HERC1: variants seen among roughly 807,000 people sequenced by gnomAD.
HERC1 encodes HECT and RLD domain containing E3 ubiquitin protein ligase family member 1, also known as probable E3 ubiquitin-protein ligase HERC1.
A neutral mutation model predicts 554.3 loss-of-function variants in HERC1; 160 were observed. The observed-to-expected ratio is 0.29, with a 90% CI of 0.25 to 0.33. HERC1 has a LOEUF of 0.33. Among genes scored for constraint, HERC1 ranks in the 10% least tolerant of loss-of-function variants. HERC1 has a pLI of 1.00. For synonymous variants in HERC1, 2,175 were observed against 2,131.7 expected, an observed-to-expected ratio of 1.02 and a Z score of -0.56; for missense variants, 4,919 against 5,918.5, an observed-to-expected ratio of 0.83 and a Z score of 5.54.
rs2073991732 is a variant in HERC1 at position 63,725,219 on chromosome 15, A to C, written c.3568+73T>G. On this transcript the variant is annotated intron_variant, in intron 18 of 77. Transcript: ENST00000443617. ...GTGCCTGTCAGTTCTCTATTTAGCA[A>C]ATCAGAATAGAGAAATCTCCAACTG... 5.3e-6 allele frequency: 7 copies of C among 1,322,148 alleles called. No homozygotes were observed. The South Asian group carries it at 9.3e-5, about 18-fold the overall frequency. The allele number at this position is 1,322,148 out of a possible 1,614,324, so 81.9% of individuals were successfully genotyped here.
intron 64 of HERC1, 50 bp downstream of exon 64, chr15:63,637,455 C>T (rs1441747121): frequency 6.0e-6 from 9 of 1,503,318 alleles, no homozygotes; most frequent in Non-Finnish European, 8.1e-6. Context: ...ACGACCAAAC[C>T]TACATTAGGC....
chr15:63,625,142 G>A (rs142747126), intron 71 of HERC1, among the ~76,000 whole-genome samples: 5 of 152,028 alleles, frequency 3.3e-5, no homozygotes, highest in African/African-American at 4.8e-5. Flanking sequence ...ACACACGCAC[G>A]CACACACAAT....
intron 12 of HERC1, among the ~76,000 whole-genome samples, chr15:63,736,206 C>T (rs1351092028): frequency 5.9e-5 from 9 of 152,106 alleles, no homozygotes. Context: ...CTGTAGAATT[C>T]CTAGAGGCTC....
At chr15:63,805,856 T>C (rs902944587) in intron 1 of HERC1, among the ~76,000 whole-genome samples, 17 of 151,740 alleles carry the variant, frequency 1.1e-4, no homozygotes, top group African/African-American at 3.4e-4. Context: ...GGCAGGAGGA[T>C]TGCCTGAGCC....
intron 5 of HERC1, 28 bp from the exon 6 acceptor site, chr15:63,755,353 A>C (rs974379357): frequency 3.3e-6 from 5 of 1,492,824 alleles, no homozygotes; most frequent in Non-Finnish European, 4.7e-6. Context: ...AAATACGATG[A>C]GTATGCACAT....
At chr15:63,751,422 C>G (rs2075241534) in intron 8 of HERC1, among the ~76,000 whole-genome samples, 2 of 152,140 alleles carry the variant, frequency 1.3e-5, no homozygotes, top group African/African-American at 2.4e-5. Flanking sequence ...ACAAAATGGC[C>G]TAATAACACA....
At chr15:63,733,184 T>C (rs750129534) in intron 13 of HERC1, 39 bp from the exon 14 acceptor site, 3 of 1,330,636 alleles carry the variant, frequency 2.3e-6, no homozygotes, top group Non-Finnish European at 3.3e-6. Flanking sequence ...ACTAGCGTAA[T>C]ATGCACTAGA....
Position 63,674,546 on chromosome 15 carries a change from C to T in HERC1, c.7642G>A (p.Ala2548Thr). 1 of 1,612,948 alleles carries T rather than the reference C, an allele frequency of 6.2e-7. No individual in the cohort carries two copies. The highest frequency in any genetic ancestry group is 8.5e-7 in the Non-Finnish European group (1 of 1,179,382). The change falls in exon 38 of 78, where the codon GCA (alanine) becomes ACA (threonine). Residue 2548 changes from alanine to threonine, a missense_variant. Physicochemically the swap from Ala to Thr is moderately conservative, Grantham distance 58 (BLOSUM62 0). This residue lies in a region of HERC1 where 1,963 missense variants were observed against 2,228.6 expected (regional missense o/e 0.88). Coordinates refer to ENST00000443617, the MANE Select transcript of HERC1 (RefSeq NM_003922.4). ...TCTTCATGAACAACTGGAGAACTTG[C>T]ACAGTCTGAGTTGTGGCCATTTTCA... ...LAENGHNSDCASSPVVHEDVE... is the reference protein window; with the variant it reads ...LAENGHNSDCTSSPVVHEDVE...
rs749469567 is a variant in HERC1 at position 63,718,549 on chromosome 15, G to T, written c.3978+25C>A. ...CTCTCACAGCTTGCAGAAAAACATA[G>T]AAATTAATTGATTTCAAACTTTACC... On this transcript the variant is annotated intron_variant, in intron 21 of 77. Transcript: ENST00000443617. The surrounding 1 kb of genome is among the most constrained non-coding windows in gnomAD (Gnocchi z 4.2). 2.0e-6 allele frequency: 3 copies of T among 1,527,818 alleles called. No individual in the cohort carries two copies. Among genetic ancestry groups the T allele is most frequent in the Admixed American group, 2.1e-5 (1 of 47,236 alleles). The allele number at this position is 1,527,818 out of a possible 1,614,324, so 94.6% of individuals were successfully genotyped here.
chr15:63,703,492 C>T (rs1486457927), intron 25 of HERC1, among the ~76,000 whole-genome samples: 2 of 152,154 alleles, frequency 1.3e-5, no homozygotes, highest in Non-Finnish European at 2.9e-5. Context: ...TCTCATCAGG[C>T]TTTTAGTAAT....
At position 63,749,794 on chromosome 15, in the gene HERC1, G is replaced by GA. The variant is rs1163548240; in HGVS notation, c.1903-4dup. ...GCTCCACAGCCCCAAGCATAGACCT[G>GA]AAAAAAACAGAAATACGTTACACAT... On this transcript the variant is annotated splice_region_variant and splice_polypyrimidine_tract_variant and intron_variant, in intron 8 of 77. Transcript: ENST00000443617. This position sits in a 1 kb window ranked among gnomAD's most constrained non-coding sequence, Gnocchi z 4.1. The GA allele has an allele frequency of 5.9e-6, 9 of 1,536,948 alleles. No homozygotes were observed. In the African/African-American group the frequency reaches 7.0e-5, roughly 12 times the overall value.
intron 1 of HERC1, among the ~76,000 whole-genome samples, chr15:63,829,592 T>A (rs374895346): frequency 5.3e-5 from 7 of 131,736 alleles, no homozygotes; most frequent in African/African-American, 1.7e-4. Context: ...TATATATATA[T>A]ATAATATACT....
chr15:63,698,113 G>A (rs2072527002), intron 26 of HERC1, among the ~76,000 whole-genome samples: 1 of 151,986 alleles, frequency 6.6e-6, no homozygotes, highest in South Asian at 2.1e-4. Flanking sequence ...TGAGACAAAT[G>A]GGTCAAAAAT....
intron 25 of HERC1, among the ~76,000 whole-genome samples, chr15:63,701,264 C>T (rs79714693): frequency 0.14 from 21,668 of 152,052 alleles, 2,086 homozygotes; most frequent in Middle Eastern, 0.21. Flanking sequence ...GGGAGGTAGT[C>T]TTACATATTC....
intron 1 of HERC1, among the ~76,000 whole-genome samples, chr15:63,776,327 G>T (rs2076113670): frequency 6.6e-6 from 1 of 152,034 alleles, no homozygotes; most frequent in Non-Finnish European, 1.5e-5. Context: ...ACCCAAACCT[G>T]TCCCTCCTGT....
intron 19 of HERC1, among the ~76,000 whole-genome samples, chr15:63,720,814 TA>T (rs1314585916): frequency 6.6e-6 from 1 of 152,292 alleles, no homozygotes; most frequent in East Asian, 1.9e-4. Context: ...AAAAGCAAAC[TA>T]AAGTAACACT....
At chr15:63,810,850 G>A (rs546226117) in intron 1 of HERC1, among the ~76,000 whole-genome samples, 1 of 152,224 alleles carries the variant, frequency 6.6e-6, no homozygotes, top group South Asian at 2.1e-4. Flanking sequence ...GAAGGAAAAT[G>A]GCACTGAGTG....
chr15:63,622,841 G>A lies in HERC1; in HGVS notation c.13662C>T (p.Thr4554=), dbSNP rs560505113. ...TGTCCCTATTGTAACCCACTTCTGC[G>A]GTGGCATTGGGAGAGGGTATAAGAA... ...VDLLIPSPNA[T]AEVGYNRDRF... Residue 4554 remains threonine, a synonymous_variant, in exon 74 of 78, where the codon ACC becomes ACT. Transcript: ENST00000443617. 36 of 1,607,000 alleles carry A rather than the reference G, an allele frequency of 2.2e-5. No homozygotes were observed. The highest frequency in any genetic ancestry group is 2.8e-5 in the Non-Finnish European group (33 of 1,177,158).
chr15:63,764,691 C>A (rs1404549237), intron 2 of HERC1, among the ~76,000 whole-genome samples: 1 of 152,156 alleles, frequency 6.6e-6, no homozygotes, highest in African/African-American at 2.4e-5. Flanking sequence ...GTGTTACAAC[C>A]CCCACCACCA....
Sources: gnomAD v4.1 joint callset for allele counts (sites outside exome capture counted in the v4.1 genomes callset) on GRCh38, gnomAD v4.1.1 for gene constraint, gnomAD v4.1.1 regional missense constraint, Gnocchi (gnomAD v3.1) non-coding constraint, MANE v1.5 for transcripts, NCBI Gene and HGNC (gene_info 2026-07-23, HGNC 2026-07-21) for gene names.